Variants in FBXL18 observed in about 807,000 individuals in gnomAD.
FBXL18 encodes the protein F-box/LRR-repeat protein 18.
A neutral mutation model predicts 46.0 loss-of-function variants in FBXL18; 36 were observed. That is an observed-to-expected ratio of 0.78 (90% CI 0.60 to 1.03). The LOEUF is 1.03. Ranked by LOEUF, FBXL18 falls within the 50% of genes least tolerant of loss-of-function variation. The probability of loss-of-function intolerance (pLI) is 0.00; values close to 1 mark genes in which losing one functional copy is unlikely to be tolerated. For synonymous variants in FBXL18, 557 were observed against 465.3 expected (o/e 1.20, Z -2.54); for missense variants, 977 against 1,004.1 (o/e 0.97, Z 0.36).
At chr7:5,482,725 C>T (rs1783680843) in intron 4 of FBXL18, among the ~76,000 whole-genome samples, 1 of 151,516 alleles carries the variant, frequency 6.6e-6, no homozygotes, top group African/African-American at 2.4e-5. Context: ...CAGCACAGCC[C>T]TACTGGCCCT....
At chr7:5,483,507 G>A (rs1280685963) in intron 4 of FBXL18, among the ~76,000 whole-genome samples, 2 of 151,798 alleles carry the variant, frequency 1.3e-5, no homozygotes, top group Non-Finnish European at 2.9e-5. Flanking sequence ...CACTTTGGGA[G>A]GCCGAGGTGG....
intron 3 of FBXL18, among the ~76,000 whole-genome samples, chr7:5,492,448 G>T (rs905919476): frequency 6.6e-6 from 1 of 151,688 alleles, no homozygotes; most frequent in Admixed American, 6.6e-5. Flanking sequence ...GTGACTTCAG[G>T]GGCTGCCAGG....
At chr7:5,489,311 AT>A (rs1444938163) in intron 4 of FBXL18, 1 of 518,956 alleles carries the variant, frequency 1.9e-6, no homozygotes, top group Non-Finnish European at 3.8e-6. Flanking sequence ...AGTTGGCAGC[AT>A]TCACTGTTGG....
chr7:5,456,695 G>A (rs1435811041), intron 4 of FBXL18, among the ~76,000 whole-genome samples: 1 of 151,600 alleles, frequency 6.6e-6, no homozygotes, highest in East Asian at 1.9e-4. Flanking sequence ...GCAGAGAACA[G>A]AGAAGGGAGG....
chr7:5,508,082 A>G (rs1178985532), intron 1 of FBXL18, among the ~76,000 whole-genome samples: 3 of 152,084 alleles, frequency 2.0e-5, no homozygotes, highest in Non-Finnish European at 4.4e-5. Context: ...CCTGGCCAAC[A>G]TAGTGAAACC....
At chr7:5,485,252 A>T (rs1783743454) in intron 4 of FBXL18, among the ~76,000 whole-genome samples, 1 of 152,072 alleles carries the variant, frequency 6.6e-6, no homozygotes, top group Admixed American at 6.6e-5. Flanking sequence ...TGTGGAGGGG[A>T]CACCTGGGGC....
intron 3 of FBXL18, among the ~76,000 whole-genome samples, chr7:5,499,620 G>C (rs1784176238): frequency 6.6e-6 from 1 of 151,384 alleles, no homozygotes; most frequent in Non-Finnish European, 1.5e-5. Flanking sequence ...AGTCCCAGCT[G>C]CTCGGGAGGC....
chr7:5,513,333 C>T (rs1361323792), intron 1 of FBXL18, among the ~76,000 whole-genome samples: 3 of 151,718 alleles, frequency 2.0e-5, no homozygotes, highest in South Asian at 4.2e-4. Context: ...TGCAGGGGCC[C>T]AGCCAAGGAA....
At chr7:5,458,759 G>T (rs373856875) in intron 4 of FBXL18, among the ~76,000 whole-genome samples, 14 of 152,228 alleles carry the variant, frequency 9.2e-5, no homozygotes, top group African/African-American at 2.4e-4. Flanking sequence ...TACTTTGGAG[G>T]CTGAGGCATG....
chr7:5,497,153 G>C (rs1333803434), intron 3 of FBXL18, among the ~76,000 whole-genome samples: 1 of 151,808 alleles, frequency 6.6e-6, no homozygotes, highest in Non-Finnish European at 1.5e-5. Context: ...AGTGAGCTGT[G>C]ATCATGCCAC....
At chr7:5,454,603 A>G (rs1378257593) in intron 4 of FBXL18, among the ~76,000 whole-genome samples, 1 of 152,184 alleles carries the variant, frequency 6.6e-6, no homozygotes, top group African/African-American at 2.4e-5. Context: ...AAGCAGGAGG[A>G]AAGAAATGAG....
intron 3 of FBXL18, among the ~76,000 whole-genome samples, chr7:5,495,131 C>T (rs781472554): frequency 2.0e-5 from 3 of 152,196 alleles, no homozygotes; most frequent in Non-Finnish European, 4.4e-5. Context: ...GCTCCCACTG[C>T]GCCGGGCCTC....
At chr7:5,499,144 C>A (rs759000825) in intron 3 of FBXL18, among the ~76,000 whole-genome samples, 3 of 152,196 alleles carry the variant, frequency 2.0e-5, no homozygotes, top group Admixed American at 6.5e-5. Context: ...CATCACCTCC[C>A]AGGAGTCTGT....
intron 4 of FBXL18, among the ~76,000 whole-genome samples, chr7:5,463,960 C>G (rs1010106233): frequency 1.7e-4 from 25 of 151,494 alleles, no homozygotes; most frequent in Non-Finnish European, 1.5e-5. Context: ...AGTCTGGTCT[C>G]GAACTACTGA....
intron 3 of FBXL18, among the ~76,000 whole-genome samples, chr7:5,498,817 C>A (rs1046847662): frequency 2.0e-5 from 3 of 152,030 alleles, no homozygotes; most frequent in African/African-American, 7.2e-5. Context: ...AGATGATCCG[C>A]ACACCTTGGC....
rs866443403 is a variant in FBXL18 at position 5,499,746 on chromosome 7, A to C, written c.1781+742T>G. Among the ~76,000 whole-genome samples the C allele has an allele frequency of 6.8e-3, 722 of 106,648 alleles. 3 individuals carry two copies. Among genetic ancestry groups the C allele is most frequent in the Middle Eastern group, 0.024 (5 of 206 alleles). 70.0% of individuals were successfully genotyped at this position (106,648 alleles called of 152,430 possible). A position where few individuals can be genotyped will look rare whatever the true frequency, so the allele number is the denominator to read the frequency against. ...GACTCTGTCTCAAAAAAAAAAAAAG[A>C]AAAAAAAAAAAAAAGCAAAGATGGA... On this transcript the variant is annotated intron_variant, in intron 3 of 4. Coordinates refer to ENST00000382368, the MANE Select transcript of FBXL18 (RefSeq NM_024963.6).
rs182126001 is a variant in FBXL18 at position 5,462,268 on chromosome 7, G to A, written c.2001-14425C>T. On this transcript the variant is annotated intron_variant and NMD_transcript_variant, in intron 4 of 6. Coordinates refer to the FBXL18 transcript ENST00000415009. Reference sequence around the variant, plus strand: ...AAAAGAAACAAAATCCTCACAGAACGCCGTGAGGTGGGCCCATCCATCATT... The same window carrying A: ...AAAAGAAACAAAATCCTCACAGAACACCGTGAGGTGGGCCCATCCATCATT... 3.3e-3 allele frequency among the ~76,000 whole-genome samples: 508 copies of A among 152,198 alleles called. 4 individuals carry two copies. Among genetic ancestry groups the A allele is most frequent in the African/African-American group, 0.012 (482 of 41,532 alleles).
At chr7:5,491,480 G>A (rs766748822) in intron 3 of FBXL18, 31 bp from the exon 4 acceptor site, 18 of 1,525,386 alleles carry the variant, frequency 1.2e-5, no homozygotes, top group East Asian at 4.7e-5. Flanking sequence ...TGTGAGGTCC[G>A]AGGGAGGGGC....
Position 5,479,041 on chromosome 7 carries a change from G to A in FBXL18, c.*2734C>T, listed in dbSNP as rs750469068. ...AACGCTGGTGCCAAAATAGCACTTA[G>A]AGAAAATAAGCACGTTATTAACATC... On this transcript the variant is annotated 3_prime_UTR_variant, in exon 5 of 5. Coordinates refer to ENST00000382368, the MANE Select transcript of FBXL18 (RefSeq NM_024963.6). The A allele has an allele frequency of 6.6e-6, 1 of 152,212 alleles. No homozygotes were observed. The highest frequency in any genetic ancestry group is 1.5e-5 in the Non-Finnish European group (1 of 68,046). 9.4% of individuals were successfully genotyped at this position (152,212 alleles called of 1,614,324 possible).
Sources: allele counts gnomAD v4.1 joint callset (sites outside exome capture counted in the v4.1 genomes callset), GRCh38; gene constraint gnomAD v4.1.1; transcripts MANE v1.5; gene names NCBI Gene and HGNC (gene_info 2026-07-23, HGNC 2026-07-21).